The following CDK18 variants were observed in gnomAD, a reference collection of about 807,000 sequenced individuals.
CDK18 encodes cyclin-dependent kinase 18.
In CDK18, 52 loss-of-function variants were observed where a neutral mutation model predicts 62.0. That is an observed-to-expected ratio of 0.84 (90% confidence interval 0.67 to 1.06). The LOEUF is 1.06. Among genes scored for constraint, CDK18 ranks in the 50% least tolerant of loss-of-function variants. The pLI, the probability that CDK18 is intolerant of heterozygous loss-of-function variation, is 0.00. For missense variants in CDK18, 604 were observed against 619.9 expected (o/e 0.97, Z 0.27); for synonymous variants, 237 against 247.0 (o/e 0.96, Z 0.38).
chr1:205,523,567 A>G lies in CDK18; in HGVS notation c.215A>G (p.Gln72Arg). 1 of 1,601,398 alleles carries G rather than the reference A, an allele frequency of 6.2e-7. No homozygotes were observed. Among genetic ancestry groups the G allele is most frequent in the Non-Finnish European group, 8.5e-7 (1 of 1,174,456 alleles). Residue 72 changes from glutamine to arginine, a missense_variant, in exon 3 of 16, where the codon CAG (glutamine) becomes CGG (arginine). Physicochemically the swap from Gln to Arg is conservative, Grantham distance 43. Transcript: ENST00000429964. ...ACAGACAGCGGGGAGGAGCCGGGGC[A>G]GCTCTCCCCTGGCGTGCAGTTCCAG... is the stretch of plus-strand genomic sequence containing the variant. ...SPTDSGEEPG[Q>R]LSPGVQFQRR...
At chr1:205,521,080 G>A (rs1045275810) in intron 1 of CDK18, among the ~76,000 whole-genome samples, 5 of 152,146 alleles carry the variant, frequency 3.3e-5, no homozygotes, top group East Asian at 3.9e-4. Context: ...CAGAGGAAGC[G>A]CTTTCAGCTA....
rs575152939 is a variant in CDK18 at position 205,513,488 on chromosome 1, A to G, written c.-22+8692A>G. On this transcript the variant is annotated intron_variant, in intron 1 of 15. Coordinates refer to ENST00000429964, the MANE Select transcript of CDK18 (RefSeq NM_212502.3). ...CCCCAAAAAAGGTCAAAAGGAAAAT[A>G]CCAGAAGATGCAATATGCACCTCTA... Among the ~76,000 whole-genome samples the G allele has an allele frequency of 4.6e-5, 7 of 152,334 alleles. No individual in the cohort carries two copies. The East Asian group carries it at 1.3e-3, about 29-fold the overall frequency.
chr1:205,529,432 A>G lies in CDK18; in HGVS notation c.1178+3A>G, dbSNP rs775041907. 1.1e-4 allele frequency: 170 copies of G among 1,613,180 alleles called. No homozygotes were observed. Among genetic ancestry groups the G allele is most frequent in the Non-Finnish European group, 1.3e-4 (156 of 1,179,526 alleles). On this transcript the variant is annotated splice_donor_region_variant and intron_variant, in intron 12 of 15. Transcript: ENST00000429964. ...CCGCTCATCAACCACGCGCCCAGGTAGCCCCTGCGCCCGCCGCCCCTCCTG... is the reference window on the plus strand; with the variant it reads ...CCGCTCATCAACCACGCGCCCAGGTGGCCCCTGCGCCCGCCGCCCCTCCTG...
chr1:205,526,135 G>A lies in CDK18; in HGVS notation c.527G>A (p.Arg176Gln), dbSNP rs774600930. The change falls in exon 6 of 16, where the codon CGG becomes CAG. Residue 176 changes from arginine to glutamine, a missense_variant. Transcript: ENST00000429964. ...AACCTTGTGGCCCTGAAAGAGATCC[G>A]GCTGGAGCACGAGGAGGGAGCGCCC... ...TENLVALKEI[R>Q]LEHEEGAPCT... 2.2e-5 allele frequency: 35 copies of A among 1,613,984 alleles called. No homozygotes were observed. Among genetic ancestry groups the A allele is most frequent in the Admixed American group, 1.2e-4 (7 of 60,000 alleles).
chr1:205,509,675 T>G (rs1667473740), intron 1 of CDK18, among the ~76,000 whole-genome samples: 1 of 152,220 alleles, frequency 6.6e-6, no homozygotes, highest in Non-Finnish European at 1.5e-5. Context: ...GTTAATGGGC[T>G]ACATTTGGTA....
At chr1:205,513,689 T>C (rs1417923232) in intron 1 of CDK18, among the ~76,000 whole-genome samples, 1 of 152,158 alleles carries the variant, frequency 6.6e-6, no homozygotes, top group Non-Finnish European at 1.5e-5. Flanking sequence ...TCTGAGAATC[T>C]TCCCTGAGTG....
rs1033894967 is a variant in CDK18, at chr1:205,504,810, G to C, written c.-22+14G>C. ...AGGACACGCGCTGTGAGTCCCGCGG[G>C]CGGTGCGCCTGGGAGGAAGGGGGAG... On this transcript the variant is annotated intron_variant, in intron 1 of 15. Transcript: ENST00000429964. The C allele has an allele frequency of 6.6e-6, 1 of 152,324 alleles. No individual in the cohort carries two copies. Among genetic ancestry groups the C allele is most frequent in the Non-Finnish European group, 1.5e-5 (1 of 68,098 alleles). 9.4% of individuals were successfully genotyped at this position (152,324 alleles called of 1,614,324 possible).
chr1:205,507,036 G>A (rs1191129484), intron 1 of CDK18, among the ~76,000 whole-genome samples: 2 of 152,292 alleles, frequency 1.3e-5, no homozygotes, highest in East Asian at 3.9e-4. Context: ...TCGGGAATGC[G>A]TCCTACACTG....
chr1:205,526,826 C>T lies in CDK18; in HGVS notation c.718C>T (p.His240Tyr). 1.2e-6 allele frequency: 2 copies of T among 1,613,874 alleles called. No homozygotes were observed. Among genetic ancestry groups the T allele is most frequent in the Non-Finnish European group, 1.7e-6 (2 of 1,179,732 alleles). ...CCACTGTGGGAACCTCATGAGCATG[C>T]ACAACGTCAAGGTGAGGCCTCGGGG... ...LDHCGNLMSM[H>Y]NVKIFMFQLL... is the part of the protein sequence containing the mutation. The change falls in exon 8 of 16, where the codon CAC becomes TAC. Residue 240 changes from histidine (H) to tyrosine (Y), a missense_variant. His to Tyr is a moderately conservative substitution (Grantham distance 83, BLOSUM62 2). Transcript: ENST00000429964.
chr1:205,513,750 C>T (rs1335619710), intron 1 of CDK18, among the ~76,000 whole-genome samples: 2 of 152,222 alleles, frequency 1.3e-5, no homozygotes, highest in Non-Finnish European at 2.9e-5. Flanking sequence ...TCCCCACAGC[C>T]CTGGAGGCCC....
chr1:205,530,238 G>A (rs1328014335), intron 13 of CDK18, 21 bp from the exon 14 acceptor site: 1 of 1,610,030 alleles, frequency 6.2e-7, no homozygotes, highest in East Asian at 2.2e-5. Flanking sequence ...GGGCCCAATA[G>A]CCCCACCCTG....
intron 15 of CDK18, 47 bp downstream of exon 15, chr1:205,530,752 C>T: frequency 6.6e-7 from 1 of 1,525,590 alleles, no homozygotes. Context: ...TAGTGGAAGC[C>T]AGAGCAGGCG....
Position 205,523,569 on chromosome 1 carries a change from C to T in CDK18, c.217C>T (p.Leu73Phe), listed in dbSNP as rs769083820. 6.2e-7 allele frequency: 1 copy of T among 1,600,468 alleles called. No homozygotes were observed. The highest frequency in any genetic ancestry group is 1.3e-5 in the African/African-American group (1 of 74,778). The change falls in exon 3 of 16, where the codon CTC becomes TTC. Residue 73 changes from leucine to phenylalanine, a missense_variant. Coordinates refer to ENST00000429964, the MANE Select transcript of CDK18 (RefSeq NM_212502.3). Reference sequence around the variant, plus strand: ...AGACAGCGGGGAGGAGCCGGGGCAGCTCTCCCCTGGCGTGCAGTTCCAGCG... The same window carrying T: ...AGACAGCGGGGAGGAGCCGGGGCAGTTCTCCCCTGGCGTGCAGTTCCAGCG... Reference protein sequence around the residue: ...PTDSGEEPGQLSPGVQFQRRQ... With the variant: ...PTDSGEEPGQFSPGVQFQRRQ...
At position 205,530,773 on chromosome 1, in the gene CDK18, A is replaced by C; in HGVS notation, c.1390+68A>C. The C allele has an allele frequency of 3.1e-6, 4 of 1,278,192 alleles. No homozygotes were observed. The South Asian group carries it at 4.9e-5, about 16-fold the overall frequency. 79.2% of individuals were successfully genotyped at this position (1,278,192 alleles called of 1,614,324 possible). A position where few individuals can be genotyped will look rare whatever the true frequency, so the allele number is the denominator to read the frequency against. ...AAGCCAGAGCAGGCGACCCCTCCCC[A>C]GTGGGGACTCCCATGGTCCCCCCAC... On this transcript the variant is annotated intron_variant, in intron 15 of 15. Coordinates refer to ENST00000429964, the MANE Select transcript of CDK18 (RefSeq NM_212502.3).
In CDK18 at chr1:205,525,186, A is replaced by G. The variant is rs779821232; in HGVS notation, c.447A>G (p.Lys149=). The change falls in exon 5 of 16, where the codon AAA becomes AAG. Residue 149 remains lysine (K), a synonymous_variant. Coordinates refer to ENST00000429964, the MANE Select transcript of CDK18 (RefSeq NM_212502.3). ...GKLETYVKLD[K]LGEGTYATVF... ...TGGAAACATACGTGAAACTGGACAA[A>G]CTGGGAGAGGTAAGACGCTGGGTTT... 1 of 1,610,222 alleles carries G rather than the reference A, an allele frequency of 6.2e-7. No homozygotes were observed. The highest frequency in any genetic ancestry group is 8.5e-7 in the Non-Finnish European group (1 of 1,177,130).
intron 1 of CDK18, chr1:205,522,910 C>T (rs984614602): frequency 1.4e-5 from 7 of 499,026 alleles, no homozygotes; most frequent in South Asian, 4.9e-5. Context: ...GCGGGGCGGG[C>T]GGTGGGCAGT....
In CDK18 at chr1:205,517,204, G is replaced by C. The variant is rs529694322; in HGVS notation, c.-21-5943G>C. 1.8e-4 allele frequency among the ~76,000 whole-genome samples: 27 copies of C among 152,266 alleles called. No individual in the cohort carries two copies. In the East Asian group the frequency reaches 4.8e-3, roughly 27 times the overall value. On this transcript the variant is annotated intron_variant, in intron 1 of 15. Coordinates refer to ENST00000429964, the MANE Select transcript of CDK18 (RefSeq NM_212502.3). This position sits in a 1 kb window ranked among gnomAD's most constrained non-coding sequence, Gnocchi z 4.1. ...GCCAGTAGCCGGGGTTCCCTGCCTT[G>C]CACGGGCCCCACCCTGCGTGGCCCT...
At chr1:205,512,297 C>T (rs981868607) in intron 1 of CDK18, among the ~76,000 whole-genome samples, 31 of 152,084 alleles carry the variant, frequency 2.0e-4, no homozygotes, top group African/African-American at 7.2e-4. Context: ...ATTCAAGGGA[C>T]AGGTAGAGGA....
At chr1:205,523,337 C>G in intron 2 of CDK18, 40 bp downstream of exon 2, 1 of 1,613,102 alleles carries the variant, frequency 6.2e-7, no homozygotes, top group Non-Finnish European at 8.5e-7. Flanking sequence ...TCCCACCTAC[C>G]AGACACTCCC....
Sources: allele counts gnomAD v4.1 joint callset (sites outside exome capture counted in the v4.1 genomes callset), GRCh38; gene constraint gnomAD v4.1.1; non-coding constraint Gnocchi (gnomAD v3.1); transcripts MANE v1.5; gene names NCBI Gene and HGNC (gene_info 2026-07-23, HGNC 2026-07-21).